TNRC6C: variants seen among roughly 807,000 people sequenced by gnomAD.
The protein encoded by TNRC6C is trinucleotide repeat containing adaptor 6C.
Under a neutral mutation model 153.7 loss-of-function variants are expected in TNRC6C, and 20 were observed. The ratio of observed to expected loss-of-function variants is 0.13; its 90% CI spans 0.09 to 0.19. The LOEUF (loss-of-function observed/expected upper bound fraction) is 0.19. Ranked by LOEUF, TNRC6C falls within the 10% of genes least tolerant of loss-of-function variation. The pLI is 1.00. For synonymous variants in TNRC6C, 811 were observed against 841.4 expected (o/e 0.96, Z 0.63); for missense variants, 1,987 against 2,172.0 (o/e 0.91, Z 1.69).
At chr17:78,002,079 C>G (rs77237174), upstream of TNRC6C, among the ~76,000 whole-genome samples, 4,252 of 151,966 alleles carry the variant, frequency 0.028, 181 homozygotes, top group African/African-American at 0.097. Context: ...TTAATTGATA[C>G]ATTTGTTTTT....
exon 3 of TNRC6C, chr17:78,050,516 A>G (rs765325718): frequency 6.2e-7 from 1 of 1,614,040 alleles, no homozygotes; most frequent in South Asian, 1.1e-5. Context: ...GCAGCTACTC[A>G]GGCTTCAAAC....
At chr17:78,066,396 A>G (rs1229191821) in intron 4 of TNRC6C, 1 of 151,950 alleles carries the variant, frequency 6.6e-6, no homozygotes, top group African/African-American at 2.4e-5. Context: ...AGTATGTTCC[A>G]TATAGCCACC....
chr17:78,022,144 T>TC (rs1015488441), intron 1 of TNRC6C, among the ~76,000 whole-genome samples: 1 of 152,140 alleles, frequency 6.6e-6, no homozygotes, highest in Non-Finnish European at 1.5e-5. Context: ...TTTGAGTTTT[T>TC]CCCCCATCCT....
At chr17:78,004,186 A>G, upstream of TNRC6C, 1 of 1,231,792 alleles carries the variant, frequency 8.1e-7, no homozygotes, top group Non-Finnish European at 1.0e-6. Context: ...AGAGCAAGAA[A>G]CACAAGAAGA....
At chr17:78,085,695 C>T (rs1214389666) in intron 11 of TNRC6C, among the ~76,000 whole-genome samples, 2 of 152,172 alleles carry the variant, frequency 1.3e-5, no homozygotes, top group African/African-American at 4.8e-5. Context: ...TCTCTCTTAG[C>T]TTTCATTCCC....
At chr17:77,959,109 GC>G (rs1361328273), upstream of TNRC6C, 4 of 145,610 alleles carry the variant, frequency 2.7e-5, no homozygotes, top group African/African-American at 1.0e-4. Context: ...CGCCGCCGCC[GC>G]CCGCGCCGGG....
At chr17:78,106,522 T>TAAAAA (rs113939739) in exon 20 of TNRC6C, 15 of 92,156 alleles carry the variant, frequency 1.6e-4, no homozygotes, top group Admixed American at 3.6e-4. Context: ...AGATGTTATT[T>TAAAAA]AAAAAAAAAA....
intron 1 of TNRC6C, among the ~76,000 whole-genome samples, chr17:77,990,648 T>G (rs778350531): frequency 3.9e-5 from 6 of 152,202 alleles, no homozygotes; most frequent in Non-Finnish European, 8.8e-5. Context: ...GCACTTCTTA[T>G]TAGCATGCTG....
At chr17:77,987,621 C>T (rs1463654801) in intron 1 of TNRC6C, among the ~76,000 whole-genome samples, 1 of 152,086 alleles carries the variant, frequency 6.6e-6, no homozygotes, top group Non-Finnish European at 1.5e-5. Context: ...AATTATGGTC[C>T]ATCAACAAAA....
chr17:77,991,770 T>C (rs2071254305), intron 1 of TNRC6C, among the ~76,000 whole-genome samples: 1 of 152,236 alleles, frequency 6.6e-6, no homozygotes, highest in African/African-American at 2.4e-5. Flanking sequence ...TCAGCCTTAC[T>C]ATCAGTTCAT....
chr17:78,003,845 T>C (rs139785939), upstream of TNRC6C, among the ~76,000 whole-genome samples: 156 of 152,324 alleles, frequency 1.0e-3, no homozygotes, highest in African/African-American at 3.5e-3. Context: ...AGGAGATCGC[T>C]TGAGCCCAGG....
At chr17:78,103,269 TTGTA>T in intron 18 of TNRC6C, 141 bp from the exon 22 acceptor site, 4 of 976,682 alleles carry the variant, frequency 4.1e-6, no homozygotes, top group Non-Finnish European at 5.9e-6. Context: ...AACGTTAATG[TTGTA>T]AAACCACATA....
At chr17:78,077,102 T>G in intron 8 of TNRC6C, 83 bp from the exon 11 acceptor site, 1 of 1,466,048 alleles carries the variant, frequency 6.8e-7, no homozygotes, top group Non-Finnish European at 9.1e-7. Flanking sequence ...CATCCACGCC[T>G]CCTCTGTTTC....
chr17:78,004,568 A>G (rs949810761), upstream of TNRC6C, among the ~76,000 whole-genome samples: 6 of 152,220 alleles, frequency 3.9e-5, no homozygotes, highest in Non-Finnish European at 1.5e-5. Flanking sequence ...ACCATGTCTA[A>G]TAAATGAAGA....
intron 13 of TNRC6C, among the ~76,000 whole-genome samples, chr17:78,087,500 A>G (rs1026544967): frequency 6.6e-6 from 1 of 152,138 alleles, no homozygotes; most frequent in African/African-American, 2.4e-5. Context: ...CTCTCAGTAT[A>G]AAACCTTTAA....
In TNRC6C at chr17:77,959,638, TGTTTTGGTGCAGGAGCCCG is replaced by T. The variant is rs557904600; in HGVS notation, c.-38+373_-38+391del. Among the ~76,000 whole-genome samples, 1,008 of 152,078 alleles carry T rather than the reference TGTTTTGGTGCAGGAGCCCG, an allele frequency of 6.6e-3. 9 individuals are homozygous for T. Among genetic ancestry groups the T allele is most frequent in the South Asian group, 0.011 (54 of 4,814 alleles). The stretch of plus-strand genomic sequence containing the variant: ...GGTGATGGCAGGCGCGAACCCGCCG[TGTTTTGGTGCAGGAGCCCG>T]GTGCCGTTGTTTGGGGGAAGAGAAA... On this transcript the variant is annotated intron_variant, in intron 1 of 22. Coordinates refer to the TNRC6C transcript ENST00000636222.
intron 3 of TNRC6C, among the ~76,000 whole-genome samples, chr17:78,059,981 T>C (rs545211392): frequency 1.3e-5 from 2 of 152,304 alleles, no homozygotes; most frequent in African/African-American, 4.8e-5. Flanking sequence ...CCTTTTCTAA[T>C]ACTTCACATG....
At chr17:77,973,553 C>T (rs753487973) in intron 1 of TNRC6C, among the ~76,000 whole-genome samples, 2 of 152,160 alleles carry the variant, frequency 1.3e-5, no homozygotes, top group African/African-American at 2.4e-5. Flanking sequence ...TGAAACCGTC[C>T]TTATCCACAG....
intron 1 of TNRC6C, among the ~76,000 whole-genome samples, chr17:77,962,777 A>G (rs926602702): frequency 6.6e-6 from 1 of 152,250 alleles, no homozygotes; most frequent in Admixed American, 6.5e-5. Context: ...AGGGTCTTCA[A>G]ATATTTTAGG....
Sources: allele counts gnomAD v4.1 joint callset (sites outside exome capture counted in the v4.1 genomes callset), GRCh38; gene constraint gnomAD v4.1.1; transcripts MANE v1.5; gene names NCBI Gene and HGNC (gene_info 2026-07-23, HGNC 2026-07-21).